The following COL17A1 variants were observed in gnomAD, a reference collection of about 807,000 sequenced individuals.
The protein encoded by COL17A1 is collagen type XVII alpha 1 chain, also known as collagen alpha-1(XVII) chain.
A neutral mutation model predicts 218.4 loss-of-function variants in COL17A1; 181 were observed. That is an observed-to-expected ratio of 0.83 (90% confidence interval 0.73 to 0.94). The LOEUF is 0.94. Ranked by LOEUF, COL17A1 falls within the 40% of genes least tolerant of loss-of-function variation. The probability of loss-of-function intolerance (pLI) is 0.00; values close to 1 mark genes in which losing one functional copy is unlikely to be tolerated. For synonymous variants in COL17A1, 721 were observed against 731.0 expected (o/e 0.99, Z 0.22); for missense variants, 1,924 against 1,945.9 (o/e 0.99, Z 0.21).
At chr10:104,080,536 A>T (rs1328630445) in intron 2 of COL17A1, 86 bp downstream of exon 2, 7 of 1,478,040 alleles carry the variant, frequency 4.7e-6, no homozygotes, top group Non-Finnish European at 5.6e-6. Flanking sequence ...TTGTGGTAGA[A>T]TTATTAATGA....
At chr10:104,075,388 G>GA (rs777645684) in intron 5 of COL17A1, among the ~76,000 whole-genome samples, 3 of 152,078 alleles carry the variant, frequency 2.0e-5, no homozygotes, top group Non-Finnish European at 4.4e-5. Flanking sequence ...GCACCACCAA[G>GA]AACCCAACCT....
intron 50 of COL17A1, 141 bp from the exon 51 acceptor site, chr10:104,034,908 G>A (rs1288448671): frequency 1.9e-6 from 2 of 1,041,870 alleles, no homozygotes; most frequent in South Asian, 3.3e-5. Flanking sequence ...GGAGAGAAAA[G>A]CAGGAGGCCA....
chr10:104,035,399 G>A, intron 49 of COL17A1, 26 bp from the exon 50 acceptor site: 1 of 1,613,618 alleles, frequency 6.2e-7, no homozygotes, highest in Non-Finnish European at 8.5e-7. Context: ...AGGGCACGGA[G>A]TCAGTCCTGG....
chr10:104,035,911 A>AGG (rs1554846981), intron 48 of COL17A1, among the ~76,000 whole-genome samples: 1 of 135,180 alleles, frequency 7.4e-6, no homozygotes. Context: ...TGTGTATGGG[A>AGG]GTGTGTATGA....
rs199950802 is a variant in COL17A1 at position 104,064,445 on chromosome 10, C to T, written c.759G>A (p.Ala253=). Residue 253 remains alanine, a synonymous_variant, in exon 10 of 56, where the codon GCG becomes GCA. Coordinates refer to ENST00000648076, the MANE Select transcript of COL17A1 (RefSeq NM_000494.4). The part of the protein sequence containing the change: ...SSLLNTNAYS[A]GSVFGVPNNM... ...GGGCTGCCCGCCAGGTACCTGATCC[C>T]GCAGAGTAGGCATTGGTGTTGAGGA... is the stretch of plus-strand genomic sequence containing the variant. 73 of 1,614,106 alleles carry T rather than the reference C, an allele frequency of 4.5e-5. No homozygotes were observed. Among genetic ancestry groups the T allele is most frequent in the Middle Eastern group, 3.3e-4 (2 of 6,022 alleles).
chr10:104,032,416 C>G lies in COL17A1; in HGVS notation c.4439-126G>C, dbSNP rs1844697993. On this transcript the variant is annotated intron_variant, in intron 55 of 55. Coordinates refer to ENST00000648076, the MANE Select transcript of COL17A1 (RefSeq NM_000494.4). ...TTCAAAGGTGAAATCTTTTGTAAGA[C>G]TACATTTATTTAACTTGTTTGCCCC... is the stretch of plus-strand genomic sequence containing the variant. The G allele has an allele frequency of 4.5e-6, 4 of 882,864 alleles. No individual in the cohort carries two copies. In the South Asian group the frequency reaches 5.5e-5, roughly 12 times the overall value. The allele number at this position is 882,864 out of a possible 1,614,324, so 54.7% of individuals were successfully genotyped here.
chr10:104,059,976 C>A, intron 14 of COL17A1, 143 bp downstream of exon 14: 3 of 1,407,530 alleles, frequency 2.1e-6, no homozygotes, highest in South Asian at 2.5e-5. Context: ...CTGGAACATA[C>A]TATTCAGACA....
chr10:104,085,865 A>C lies in COL17A1; in HGVS notation c.-154T>G, dbSNP rs1239264334. 6.6e-6 allele frequency: 1 copy of C among 152,512 alleles called. No individual in the cohort carries two copies. The highest frequency in any genetic ancestry group is 1.5e-5 in the Non-Finnish European group (1 of 68,016). The allele number at this position is 152,512 out of a possible 1,614,324, so 9.4% of individuals were successfully genotyped here. On this transcript the variant is annotated 5_prime_UTR_variant, in exon 1 of 56. Transcript: ENST00000648076. ...AGCCAAGGTGTGTTAAAGCTGAGTG[A>C]TCTTTCAAAAATGTTCACTTTTCTT...
chr10:104,066,960 CT>C (rs1244934247), intron 9 of COL17A1, among the ~76,000 whole-genome samples: 1 of 152,170 alleles, frequency 6.6e-6, no homozygotes, highest in African/African-American at 2.4e-5. Context: ...CTTGGAAAAT[CT>C]CCTCGGTGTA....
intron 27 of COL17A1, 81 bp downstream of exon 27, chr10:104,050,540 G>C (rs2086458484): frequency 6.2e-7 from 1 of 1,607,818 alleles, no homozygotes; most frequent in Middle Eastern, 2.2e-4. Context: ...TGCACCCTCA[G>C]ACCCTACAGT....
rs750388712 is a variant in COL17A1, at chr10:104,034,274, G to A, written c.3827C>T (p.Pro1276Leu). Residue 1276 changes from proline (P) to leucine (L), a missense_variant, in exon 52 of 56, where the codon CCT becomes CTT. Coordinates refer to ENST00000648076, the MANE Select transcript of COL17A1 (RefSeq NM_000494.4). Reference protein sequence around the residue: ...PPGPPGPQGPPGDSRLLSTDA... With the variant: ...PPGPPGPQGPLGDSRLLSTDA... ...CGTGGACAGGAGGCGGCTGTCCCCA[G>A]GGGGTCCCTGCGGCCCAGGAGGGCC... The A allele has an allele frequency of 4.1e-5, 65 of 1,596,194 alleles. No individual in the cohort carries two copies. The highest frequency in any genetic ancestry group is 5.5e-5 in the Non-Finnish European group (64 of 1,173,264).
Position 104,053,976 on chromosome 10 carries a change from G to A in COL17A1, c.1778C>T (p.Pro593Leu). 2 of 1,612,338 alleles carry A rather than the reference G, an allele frequency of 1.2e-6. No individual in the cohort carries two copies. Among genetic ancestry groups the A allele is most frequent in the Non-Finnish European group, 8.5e-7 (1 of 1,178,308 alleles). Residue 593 changes from proline to leucine, a missense_variant, in exon 22 of 56, where the codon CCT becomes CTT. Physicochemically the swap from Pro to Leu is moderately conservative, Grantham distance 98 (BLOSUM62 -3). Coordinates refer to ENST00000648076, the MANE Select transcript of COL17A1 (RefSeq NM_000494.4). ...DRGFPGTPGI[P>L]GPLGHPGPQG... Reference sequence around the variant, plus strand: ...TGGACCTGGGTGGCCCAAGGGCCCAGGGATACCTGTGAACACACAAGGATA... The same window carrying A: ...TGGACCTGGGTGGCCCAAGGGCCCAAGGATACCTGTGAACACACAAGGATA...
rs139976610 is a variant in COL17A1 at position 104,072,159 on chromosome 10, G to C, written c.416-80C>G. 16 of 1,593,624 alleles carry C rather than the reference G, an allele frequency of 1.0e-5. No homozygotes were observed. The African/African-American group carries it at 1.7e-4, about 17-fold the overall frequency. On this transcript the variant is annotated intron_variant, in intron 7 of 55. Transcript: ENST00000648076. ...CCCTGACACTGAACTCCTAGCAGCAGATGGCCCTTTAGGCTGCTCTGACAT... is the reference window on the plus strand; with the variant it reads ...CCCTGACACTGAACTCCTAGCAGCACATGGCCCTTTAGGCTGCTCTGACAT...
intron 43 of COL17A1, 52 bp from the exon 44 acceptor site, chr10:104,039,173 G>A (rs2086332889): frequency 6.3e-7 from 1 of 1,584,266 alleles, no homozygotes. Flanking sequence ...AGCCTTCCCT[G>A]GTTAAGCCAA....
chr10:104,047,894 G>C, intron 30 of COL17A1, 84 bp from the exon 31 acceptor site: 1 of 1,432,166 alleles, frequency 7.0e-7, no homozygotes. Flanking sequence ...AGTTTCTGAG[G>C]GTTTTCCTAA....
At chr10:104,077,662 T>C (rs950570570) in intron 3 of COL17A1, 136 bp from the exon 4 acceptor site, 1 of 725,662 alleles carries the variant, frequency 1.4e-6, no homozygotes, top group Non-Finnish European at 2.5e-6. Flanking sequence ...CCACCTACAT[T>C]ATAAGATGCA....
Position 104,039,696 on chromosome 10 carries a change from G to A in COL17A1, c.2789-56C>T, listed in dbSNP as rs566625581. The A allele has an allele frequency of 1.0e-4, 164 of 1,611,634 alleles. No individual in the cohort carries two copies. The African/African-American group carries it at 1.6e-3, about 16-fold the overall frequency. On this transcript the variant is annotated intron_variant, in intron 41 of 55. Transcript: ENST00000648076. ...GCCTCACTTTTCTCACCCACTAACA[G>A]CCCTGTAGAGCCTCCCCAAGATCCA... is the stretch of plus-strand genomic sequence containing the variant.
chr10:104,049,797 G>A (rs879754370), intron 28 of COL17A1, among the ~76,000 whole-genome samples: 4 of 152,224 alleles, frequency 2.6e-5, no homozygotes, highest in African/African-American at 7.2e-5. Context: ...CAAACTTTCT[G>A]CTGCTTCGGG....
In COL17A1 at chr10:104,034,757, C is replaced by T. The variant is rs762921923; in HGVS notation, c.3630G>A (p.Leu1210=). The change falls in exon 51 of 56, where the codon TTG becomes TTA. Residue 1210 remains leucine (L), a synonymous_variant. Coordinates refer to ENST00000648076, the MANE Select transcript of COL17A1 (RefSeq NM_000494.4). The stretch of plus-strand genomic sequence containing the variant: ...GTCCTGGAGGGCCTGGGATGAATGA[C>T]AAGCCGGCAGCTGGGCAGAAGGAAG... ...DLSSYLHTAG[L]SFIPGPPGPP... The T allele has an allele frequency of 6.2e-7, 1 of 1,612,386 alleles. No homozygotes were observed. The highest frequency in any genetic ancestry group is 1.7e-5 in the Admixed American group (1 of 59,882).
Sources: gnomAD v4.1 joint callset for allele counts (sites outside exome capture counted in the v4.1 genomes callset) on GRCh38, gnomAD v4.1.1 for gene constraint, MANE v1.5 for transcripts, NCBI Gene and HGNC (gene_info 2026-07-23, HGNC 2026-07-21) for gene names.